GRIN2A: variants seen among roughly 807,000 people sequenced by gnomAD.
GRIN2A encodes glutamate receptor ionotropic, NMDA 2A.
GRIN2A carries 22 observed loss-of-function variants against 113.4 expected under a neutral mutation model. The ratio of observed to expected loss-of-function variants is 0.19; its 90% CI spans 0.14 to 0.28. The LOEUF (loss-of-function observed/expected upper bound fraction) is 0.28, where lower values mean the gene tolerates loss of function less well. GRIN2A is among the 10% of genes least tolerant of loss of function. The pLI, the probability that GRIN2A is intolerant of heterozygous loss-of-function variation, is 1.00. For missense variants in GRIN2A, 1,502 were observed against 1,887.0 expected (o/e 0.80, Z 3.78); for synonymous variants, 827 against 738.4 (o/e 1.12, Z -1.94).
intron 2 of GRIN2A, chr16:10,111,404 G>C: frequency 2.0e-6 from 1 of 508,716 alleles, no homozygotes; most frequent in Non-Finnish European, 3.6e-6. Context: ...CTGATCAGTG[G>C]CGGCACCGGC....
rs764767524 is a variant in GRIN2A, at chr16:9,759,789, T to C, written c.*3360A>G. 6 of 228,482 alleles carry C rather than the reference T, an allele frequency of 2.6e-5. No homozygotes were observed. The highest frequency in any genetic ancestry group is 5.2e-5 in the Non-Finnish European group (6 of 115,222). 14.2% of individuals were successfully genotyped at this position (228,482 alleles called of 1,614,324 possible). On this transcript the variant is annotated 3_prime_UTR_variant, in exon 13 of 13. Transcript: ENST00000330684. ...AGTCTCTCTGGCAGAAAGATAGACC[T>C]ATAGGGACTTGCCAGCTCAGAGCAT...
intron 2 of GRIN2A, chr16:10,111,359 G>A (rs928252343): frequency 4.7e-5 from 20 of 426,388 alleles, no homozygotes; most frequent in Non-Finnish European, 6.6e-5. Context: ...GGTGTTTGTC[G>A]CTTCGCGGGG....
At chr16:9,876,298 T>C (rs2043364452) in intron 4 of GRIN2A, among the ~76,000 whole-genome samples, 2 of 152,258 alleles carry the variant, frequency 1.3e-5, no homozygotes, top group South Asian at 4.2e-4. Context: ...GCAGAGCATA[T>C]TACATATGTG....
chr16:9,983,088 C>T (rs796711390), intron 2 of GRIN2A, among the ~76,000 whole-genome samples: 5 of 152,260 alleles, frequency 3.3e-5, no homozygotes, highest in African/African-American at 1.2e-4. Context: ...GCTTATCCAT[C>T]ACCTCAAACT....
At chr16:10,148,446 C>T (rs1466631301) in intron 2 of GRIN2A, among the ~76,000 whole-genome samples, 2 of 152,124 alleles carry the variant, frequency 1.3e-5, no homozygotes, top group Admixed American at 1.3e-4. Flanking sequence ...ATTCTGTGAC[C>T]TTAAATACTA....
intron 2 of GRIN2A, among the ~76,000 whole-genome samples, chr16:9,963,773 C>A (rs2045492602): frequency 6.6e-6 from 1 of 152,212 alleles, no homozygotes. Flanking sequence ...ATCCATTCAA[C>A]AGATATTTAC....
chr16:10,165,844 C>A (rs1280158105), intron 2 of GRIN2A, among the ~76,000 whole-genome samples: 1 of 151,584 alleles, frequency 6.6e-6, no homozygotes, highest in East Asian at 1.9e-4. Context: ...AGAGGAAAAA[C>A]TAGTATCAAT....
intron 10 of GRIN2A, among the ~76,000 whole-genome samples, chr16:9,820,250 C>G (rs1419497878): frequency 1.3e-5 from 2 of 152,172 alleles, no homozygotes; most frequent in African/African-American, 4.8e-5. Flanking sequence ...ACCACTGTCT[C>G]CAACCATTAT....
chr16:9,822,575 C>T, intron 9 of GRIN2A, 151 bp from the exon 10 acceptor site: 1 of 686,360 alleles, frequency 1.5e-6, no homozygotes, highest in South Asian at 1.6e-5. Flanking sequence ...TAAAATGTTG[C>T]TTTTTGGTCT....
chr16:9,826,093 G>A (rs1246371502), intron 9 of GRIN2A, among the ~76,000 whole-genome samples: 1 of 152,134 alleles, frequency 6.6e-6, no homozygotes, highest in Non-Finnish European at 1.5e-5. Context: ...CAGGCATGGT[G>A]TGAGGATTAT....
rs150432804 is a variant in GRIN2A at position 9,829,519 on chromosome 16, G to A, written c.1911C>T (p.Phe637=). Residue 637 remains phenylalanine, a synonymous_variant, in exon 9 of 13, where the codon TTC becomes TTT. Coordinates refer to ENST00000330684, the MANE Select transcript of GRIN2A (RefSeq NM_001134407.3). ...TGTAGCTAGCCAGGAATATGACAGC[G>A]AAGAAGGCCCATACAGATACCATGA... ...SKIMVSVWAF[F]AVIFLASYTA... is the part of the protein sequence containing the mutation. The A allele has an allele frequency of 2.1e-5, 34 of 1,613,946 alleles. No homozygotes were observed. Among genetic ancestry groups the A allele is most frequent in the South Asian group, 9.9e-5 (9 of 91,074 alleles).
At chr16:10,102,763 A>C (rs2048424874) in intron 2 of GRIN2A, among the ~76,000 whole-genome samples, 1 of 152,134 alleles carries the variant, frequency 6.6e-6, no homozygotes, top group South Asian at 2.1e-4. Flanking sequence ...ATGGGCTCAG[A>C]GAGGTTAGGT....
intron 2 of GRIN2A, among the ~76,000 whole-genome samples, chr16:10,122,431 G>C (rs535878908): frequency 6.6e-6 from 1 of 152,124 alleles, no homozygotes; most frequent in Non-Finnish European, 1.5e-5. Flanking sequence ...ATTGCAGCAG[G>C]TTCGGCTATT....
intron 2 of GRIN2A, among the ~76,000 whole-genome samples, chr16:10,020,866 A>C (rs183274036): frequency 1.4e-3 from 216 of 152,290 alleles, no homozygotes; most frequent in African/African-American, 5.0e-3. Context: ...TACCAGCTCC[A>C]ACATAAAGAG....
rs527325104 is a variant in GRIN2A at position 10,051,096 on chromosome 16, C to G, written c.415-112545G>C. Among the ~76,000 whole-genome samples, 13 of 152,324 alleles carry G rather than the reference C, an allele frequency of 8.5e-5. No homozygotes were observed. In the South Asian group the frequency reaches 2.5e-3, roughly 29 times the overall value. Reference sequence around the variant, plus strand: ...GTAGATGTAAGTGCAGTCAGCTTAACTCCACACTCTTCCTCTTGTCCTCTG... The same window carrying G: ...GTAGATGTAAGTGCAGTCAGCTTAAGTCCACACTCTTCCTCTTGTCCTCTG... On this transcript the variant is annotated intron_variant, in intron 2 of 12. Coordinates refer to ENST00000330684, the MANE Select transcript of GRIN2A (RefSeq NM_001134407.3).
chr16:9,804,918 C>T (rs1475476217), intron 10 of GRIN2A, among the ~76,000 whole-genome samples: 1 of 152,188 alleles, frequency 6.6e-6, no homozygotes, highest in Admixed American at 6.5e-5. Context: ...TGTAAATTAG[C>T]AAAGAAGCAA....
chr16:9,939,358 C>A lies in GRIN2A; in HGVS notation c.415-807G>T, dbSNP rs929141248. Among the ~76,000 whole-genome samples the A allele has an allele frequency of 5.3e-5, 8 of 152,028 alleles. No individual in the cohort carries two copies. In the East Asian group the frequency reaches 1.5e-3, roughly 29 times the overall value. On this transcript the variant is annotated intron_variant, in intron 2 of 12. Transcript: ENST00000330684. ...AATGCATCATGGCACCGAAAGGAGG[C>A]GGACGATACGATGTTGAAGAGCTTG...
At chr16:10,083,896 G>C (rs1267076082) in intron 2 of GRIN2A, among the ~76,000 whole-genome samples, 1 of 152,184 alleles carries the variant, frequency 6.6e-6, no homozygotes. Context: ...AAGCTCAGGA[G>C]TTTAAGATCA....
intron 2 of GRIN2A, among the ~76,000 whole-genome samples, chr16:10,124,851 G>C (rs995357596): frequency 6.6e-6 from 1 of 152,186 alleles, no homozygotes; most frequent in Non-Finnish European, 1.5e-5. Flanking sequence ...CTATGGAAAA[G>C]GTTAGCAGGA....
Sources: gnomAD v4.1 joint callset for allele counts (sites outside exome capture counted in the v4.1 genomes callset) on GRCh38, gnomAD v4.1.1 for gene constraint, MANE v1.5 for transcripts, NCBI Gene and HGNC (gene_info 2026-07-23, HGNC 2026-07-21) for gene names.